The following SUMF1 variants were observed in gnomAD, a reference collection of about 807,000 sequenced individuals.
The protein encoded by SUMF1 is formylglycine-generating enzyme.
Under a neutral mutation model 47.6 loss-of-function variants are expected in SUMF1, and 48 were observed. The observed-to-expected ratio is 1.01, with a 90% CI of 0.80 to 1.28. SUMF1 has a LOEUF of 1.28. Ranked by LOEUF, SUMF1 falls within the 50% of genes most tolerant of loss-of-function variation. The pLI, the probability that SUMF1 is intolerant of heterozygous loss-of-function variation, is 0.00. For synonymous variants in SUMF1, 230 were observed against 192.1 expected, an observed-to-expected ratio of 1.20 and a Z score of -1.63; for missense variants, 571 against 485.4, an observed-to-expected ratio of 1.18 and a Z score of -1.66.
intron 8 of SUMF1, among the ~76,000 whole-genome samples, chr3:4,353,846 A>G (rs1290697889): frequency 6.7e-6 from 1 of 149,620 alleles, no homozygotes; most frequent in Non-Finnish European, 1.5e-5. Flanking sequence ...CATCATATTG[A>G]TTTTCATTTG....
intron 8 of SUMF1, among the ~76,000 whole-genome samples, chr3:4,147,062 A>C (rs899087019): frequency 6.6e-6 from 1 of 152,252 alleles, no homozygotes; most frequent in East Asian, 1.9e-4. Flanking sequence ...ACACATGAAA[A>C]AATGCTCATC....
At chr3:4,304,264 C>G (rs1340610299) in intron 8 of SUMF1, among the ~76,000 whole-genome samples, 1 of 152,230 alleles carries the variant, frequency 6.6e-6, no homozygotes, top group Non-Finnish European at 1.5e-5. Context: ...GCCTCAGCCT[C>G]CCGAGTAGCT....
At chr3:4,097,398 CAA>C (rs1444538861) in intron 8 of SUMF1, among the ~76,000 whole-genome samples, 4 of 151,836 alleles carry the variant, frequency 2.6e-5, no homozygotes, top group Non-Finnish European at 5.9e-5. Context: ...ACTAAAAAGA[CAA>C]AAATTAGCCA....
chr3:4,178,165 G>T (rs535802124), intron 8 of SUMF1, among the ~76,000 whole-genome samples: 1 of 152,184 alleles, frequency 6.6e-6, no homozygotes, highest in Non-Finnish European at 1.5e-5. Context: ...AATAGAAAAA[G>T]AGGGAATCCT....
intron 8 of SUMF1, among the ~76,000 whole-genome samples, chr3:4,354,764 C>A (rs575362079): frequency 1.3e-5 from 2 of 152,164 alleles, no homozygotes; most frequent in Non-Finnish European, 2.9e-5. Context: ...TCTGGTAGTA[C>A]CTTCCTGCTC....
intron 8 of SUMF1, among the ~76,000 whole-genome samples, chr3:4,179,678 C>A (rs893168084): frequency 5.3e-5 from 8 of 152,092 alleles, no homozygotes; most frequent in African/African-American, 1.2e-4. Flanking sequence ...GCAACAAAAG[C>A]CAAAATTGAC....
intron 8 of SUMF1, among the ~76,000 whole-genome samples, chr3:4,135,425 G>C (rs555436794): frequency 1.4e-4 from 22 of 151,908 alleles, no homozygotes; most frequent in East Asian, 3.9e-4. Flanking sequence ...ATTCAACAAC[G>C]TTTCATGCTA....
intron 8 of SUMF1, among the ~76,000 whole-genome samples, chr3:4,157,818 G>C (rs1574935756): frequency 1.3e-5 from 2 of 151,566 alleles, no homozygotes; most frequent in East Asian, 3.9e-4. Context: ...CTGTAGAAGT[G>C]ACTACTTCTA....
At chr3:4,229,046 C>T (rs1696238608) in intron 8 of SUMF1, among the ~76,000 whole-genome samples, 1 of 152,094 alleles carries the variant, frequency 6.6e-6, no homozygotes, top group Non-Finnish European at 1.5e-5. Context: ...AGAAACTGTG[C>T]TGAGTGATGT....
chr3:4,398,305 A>T (rs1010514554), intron 7 of SUMF1, among the ~76,000 whole-genome samples: 9 of 152,120 alleles, frequency 5.9e-5, no homozygotes, highest in African/African-American at 2.2e-4. Flanking sequence ...CTTGCCAGTA[A>T]ATTTTGCTGA....
intron 8 of SUMF1, among the ~76,000 whole-genome samples, chr3:4,373,336 T>C (rs1700225221): frequency 6.6e-6 from 1 of 151,944 alleles, no homozygotes; most frequent in Admixed American, 6.6e-5. Flanking sequence ...ATTATGCCAA[T>C]AAATACAATA....
intron 6 of SUMF1, among the ~76,000 whole-genome samples, chr3:4,412,876 G>A (rs1021215764): frequency 9.9e-5 from 15 of 152,112 alleles, no homozygotes; most frequent in African/African-American, 3.1e-4. Context: ...GTGACACAGC[G>A]AGATTACGTC....
Position 4,376,433 on chromosome 3 carries a change from C to T in SUMF1, c.955-44G>A, listed in dbSNP as rs73809529. 5.0e-3 allele frequency: 7,985 copies of T among 1,599,730 alleles called. 105 individuals are homozygous for T. The highest frequency in any genetic ancestry group is 0.043 in the Middle Eastern group (260 of 6,040). Reference sequence around the variant, plus strand: ...GGCTATGTTAGACCAGAAGGCAAAGCTGCCCCTTACACAGTGGGAGAGAAT... The same window carrying T: ...GGCTATGTTAGACCAGAAGGCAAAGTTGCCCCTTACACAGTGGGAGAGAAT... On this transcript the variant is annotated intron_variant, in intron 7 of 8. Coordinates refer to ENST00000272902, the MANE Select transcript of SUMF1 (RefSeq NM_182760.4).
At chr3:4,362,287 C>A in intron 8 of SUMF1, 33 bp from the exon 9 acceptor site, 3 of 1,581,626 alleles carry the variant, frequency 1.9e-6, no homozygotes, top group Non-Finnish European at 2.6e-6. Context: ...GTAAGTGCTA[C>A]TGGGACTCTC....
At chr3:4,116,978 C>G (rs1693437142) in intron 8 of SUMF1, among the ~76,000 whole-genome samples, 1 of 151,896 alleles carries the variant, frequency 6.6e-6, no homozygotes, top group Non-Finnish European at 1.5e-5. Context: ...GCTAGGTGAA[C>G]AAAACAAAGC....
chr3:4,391,224 G>C (rs1163894740), intron 7 of SUMF1, among the ~76,000 whole-genome samples: 2 of 151,924 alleles, frequency 1.3e-5, no homozygotes, highest in African/African-American at 2.4e-5. Flanking sequence ...AATATGATTT[G>C]TCCAGGTGTG....
intron 8 of SUMF1, among the ~76,000 whole-genome samples, chr3:4,253,564 A>C (rs927065243): frequency 2.6e-5 from 4 of 150,960 alleles, no homozygotes; most frequent in East Asian, 1.9e-4. Flanking sequence ...CGGCTTAAAA[A>C]ACGGCGCACC....
chr3:4,039,208 A>ATTTTTTT (rs1213784165), intron 9 of SUMF1, among the ~76,000 whole-genome samples: 2,274 of 45,184 alleles, frequency 0.05, 193 homozygotes, highest in Middle Eastern at 0.069. Context: ...CATCTATGCA[A>ATTTTTTT]ATTTTTTTTT....
In SUMF1 at chr3:4,148,278, A is replaced by T. The variant is rs534301116; in HGVS notation, c.1015-79533T>A. On this transcript the variant is annotated intron_variant and NMD_transcript_variant, in intron 8 of 12. Transcript: ENST00000448413. ...TCATTTGCAGAATTTCTCACCCAAG[A>T]GATGGGGGTTGATTTTTTTATTGGC... 3.3e-5 allele frequency among the ~76,000 whole-genome samples: 5 copies of T among 152,242 alleles called. No homozygotes were observed. The East Asian group carries it at 7.7e-4, about 23-fold the overall frequency.
Sources: gnomAD v4.1 joint callset for allele counts (sites outside exome capture counted in the v4.1 genomes callset) on GRCh38, gnomAD v4.1.1 for gene constraint, MANE v1.5 for transcripts, NCBI Gene and HGNC (gene_info 2026-07-23, HGNC 2026-07-21) for gene names.